Variants in KCNK2 observed in about 807,000 individuals in gnomAD.
KCNK2 encodes the protein potassium two pore domain channel subfamily K member 2.
Under a neutral mutation model 40.5 loss-of-function variants are expected in KCNK2, and 21 were observed. The ratio of observed to expected loss-of-function variants is 0.52; its 90% CI spans 0.37 to 0.75. The LOEUF (loss-of-function observed/expected upper bound fraction) is 0.75. Among genes scored for constraint, KCNK2 ranks in the 30% least tolerant of loss-of-function variants. KCNK2 has a pLI of 0.00. For missense variants in KCNK2, 399 were observed against 531.6 expected, an observed-to-expected ratio of 0.75 and a Z score of 2.45; for synonymous variants, 191 against 202.2, an observed-to-expected ratio of 0.94 and a Z score of 0.47.
At chr1:215,222,106 G>A (rs778443185) in intron 6 of KCNK2, among the ~76,000 whole-genome samples, 23 of 152,048 alleles carry the variant, frequency 1.5e-4, no homozygotes, top group Non-Finnish European at 2.5e-4. Flanking sequence ...ACCCAATACC[G>A]TGTAAACAGC....
intron 6 of KCNK2, among the ~76,000 whole-genome samples, chr1:215,233,601 C>A (rs1666762452): frequency 6.6e-6 from 1 of 152,004 alleles, no homozygotes; most frequent in Non-Finnish European, 1.5e-5. Flanking sequence ...GTTATATTTC[C>A]TTTGTTGATT....
At chr1:215,192,905 C>T (rs1206767663) in intron 5 of KCNK2, among the ~76,000 whole-genome samples, 1 of 152,018 alleles carries the variant, frequency 6.6e-6, no homozygotes, top group Non-Finnish European at 1.5e-5. Context: ...AAATTATTTA[C>T]CTGACAGAAA....
upstream of KCNK2, among the ~76,000 whole-genome samples, chr1:215,078,194 C>T (rs1659017903): frequency 1.3e-5 from 2 of 152,176 alleles, no homozygotes; most frequent in Admixed American, 1.3e-4. Context: ...TCAAAGCCAT[C>T]CTGGGCTGCA....
At chr1:215,206,723 C>T (rs1364006920) in intron 6 of KCNK2, among the ~76,000 whole-genome samples, 1 of 152,162 alleles carries the variant, frequency 6.6e-6, no homozygotes, top group African/African-American at 2.4e-5. Flanking sequence ...CACGTGAGCA[C>T]ATCATAACTG....
At chr1:215,077,219 A>G (rs1330563899) in intron 1 of KCNK2, among the ~76,000 whole-genome samples, 1 of 152,204 alleles carries the variant, frequency 6.6e-6, no homozygotes, top group East Asian at 1.9e-4. Context: ...ATAAAACACA[A>G]CAGGTATGAG....
At chr1:215,145,369 TA>T (rs1290051752) in intron 3 of KCNK2, among the ~76,000 whole-genome samples, 2 of 152,158 alleles carry the variant, frequency 1.3e-5, no homozygotes, top group African/African-American at 4.8e-5. Flanking sequence ...AGCTAGGATT[TA>T]AACCAAGACA....
intron 5 of KCNK2, among the ~76,000 whole-genome samples, chr1:215,187,789 C>T (rs1664505851): frequency 1.4e-5 from 2 of 147,270 alleles, no homozygotes; most frequent in South Asian, 4.3e-4. Context: ...TTGCAGTGAA[C>T]TATGATTGCA....
Position 215,124,827 on chromosome 1 carries a change from T to G in KCNK2, c.475+77T>G, listed in dbSNP as rs899146681. On this transcript the variant is annotated intron_variant, in intron 3 of 6. Transcript: ENST00000444842. ...AATCCATTTGTTTGAATTTTTTGTATAGTTGGGCAAAATGATCTACTTAAG... is the reference window on the plus strand; with the variant it reads ...AATCCATTTGTTTGAATTTTTTGTAGAGTTGGGCAAAATGATCTACTTAAG... 4 of 871,352 alleles carry G rather than the reference T, an allele frequency of 4.6e-6. No homozygotes were observed. In the East Asian group the frequency reaches 9.7e-5, roughly 21 times the overall value. The allele number at this position is 871,352 out of a possible 1,614,324, so 54.0% of individuals were successfully genotyped here.
chr1:215,107,208 C>G (rs1209999631), intron 2 of KCNK2, among the ~76,000 whole-genome samples: 1 of 151,886 alleles, frequency 6.6e-6, no homozygotes, highest in Non-Finnish European at 1.5e-5. Flanking sequence ...GATATTATTT[C>G]AATCTATGAG....
chr1:215,030,862 T>C (rs950992098), intron 1 of KCNK2, among the ~76,000 whole-genome samples: 3 of 152,062 alleles, frequency 2.0e-5, no homozygotes, highest in African/African-American at 7.2e-5. Context: ...GTGTTATCTT[T>C]TACAAGTTTT....
At chr1:215,183,956 A>G (rs1423139929) in intron 5 of KCNK2, among the ~76,000 whole-genome samples, 16 of 152,184 alleles carry the variant, frequency 1.1e-4, no homozygotes, top group Non-Finnish European at 5.9e-5. Context: ...ACTAATATCC[A>G]TGAAGATGGG....
upstream of KCNK2, among the ~76,000 whole-genome samples, chr1:215,082,413 TGGTCCCACACCC>T (rs1659197750): frequency 7.9e-5 from 12 of 152,022 alleles, no homozygotes; most frequent in South Asian, 2.5e-3. Context: ...TCCCAGAGCT[TGGTCCCACACCC>T]GGTCCCACAC....
intron 2 of KCNK2, among the ~76,000 whole-genome samples, chr1:215,093,776 A>T (rs1169597496): frequency 6.9e-5 from 1 of 14,422 alleles, no homozygotes; most frequent in African/African-American, 1.7e-4. Flanking sequence ...TATAAAATAT[A>T]TTATATATTA....
intron 1 of KCNK2, among the ~76,000 whole-genome samples, chr1:215,050,134 A>G (rs956578245): frequency 6.6e-6 from 1 of 152,136 alleles, no homozygotes; most frequent in African/African-American, 2.4e-5. Flanking sequence ...CTAACCCATG[A>G]AATTCTACTT....
At chr1:215,024,927 C>T (rs1329481167) in intron 1 of KCNK2, among the ~76,000 whole-genome samples, 5 of 145,094 alleles carry the variant, frequency 3.4e-5, no homozygotes, top group African/African-American at 1.0e-4. Context: ...AACATATGTT[C>T]ATTATGTATC....
chr1:215,035,533 C>T (rs1322007364), intron 1 of KCNK2, among the ~76,000 whole-genome samples: 8 of 152,010 alleles, frequency 5.3e-5, no homozygotes, highest in Non-Finnish European at 1.2e-4. Context: ...TTTGGTCTGC[C>T]TTCTTTCACC....
chr1:215,077,643 C>T (rs1658992605), intron 1 of KCNK2, among the ~76,000 whole-genome samples: 1 of 151,804 alleles, frequency 6.6e-6, no homozygotes, highest in Non-Finnish European at 1.5e-5. Flanking sequence ...TTTCTACCTG[C>T]CTCTTCAGCT....
chr1:215,066,710 T>C (rs1438947506), intron 1 of KCNK2, among the ~76,000 whole-genome samples: 1 of 152,194 alleles, frequency 6.6e-6, no homozygotes, highest in South Asian at 2.1e-4. Flanking sequence ...TGAAAATGTG[T>C]GAAAAGGACT....
intron 6 of KCNK2, among the ~76,000 whole-genome samples, chr1:215,197,149 A>C (rs1664898382): frequency 6.6e-6 from 1 of 152,208 alleles, no homozygotes. Context: ...TGAAATTGGT[A>C]TAGAATATCT....
Sources: allele counts gnomAD v4.1 joint callset (sites outside exome capture counted in the v4.1 genomes callset), GRCh38; gene constraint gnomAD v4.1.1; transcripts MANE v1.5; gene names NCBI Gene and HGNC (gene_info 2026-07-23, HGNC 2026-07-21).